Variants in RAB3C observed in about 807,000 individuals in gnomAD.
RAB3C encodes RAB3C, member RAS oncogene family.
In RAB3C, 17 loss-of-function variants were observed where a neutral mutation model predicts 26.4. That is an observed-to-expected ratio of 0.64 (90% confidence interval 0.44 to 0.97). The LOEUF (loss-of-function observed/expected upper bound fraction) is 0.97. RAB3C is among the 50% of genes least tolerant of loss of function. RAB3C has a pLI of 0.00. For synonymous variants in RAB3C, 91 were observed against 95.9 expected (o/e 0.95, Z 0.30); for missense variants, 242 against 281.9 (o/e 0.86, Z 1.01).
intron 3 of RAB3C, among the ~76,000 whole-genome samples, chr5:58,810,613 G>A (rs1054213257): frequency 1.3e-5 from 2 of 152,042 alleles, no homozygotes; most frequent in Non-Finnish European, 2.9e-5. Flanking sequence ...TTAGGCATCA[G>A]TTGTAGCTTG....
rs768420857 is a variant in RAB3C at position 58,726,085 on chromosome 5, T to C, written c.336T>C (p.Ile112=). The part of the protein sequence containing the change: ...GAMGFILMYD[I]TNEESFNAVQ... Reference sequence around the variant, plus strand: ...TGGGCTTTATTTTAATGTATGACATTACAAATGAAGAATCCTTCAATGCAG... The same window carrying C: ...TGGGCTTTATTTTAATGTATGACATCACAAATGAAGAATCCTTCAATGCAG... Residue 112 remains isoleucine, a synonymous_variant, in exon 3 of 5, where the codon ATT becomes ATC. Coordinates refer to ENST00000282878, the MANE Select transcript of RAB3C (RefSeq NM_138453.4). The C allele has an allele frequency of 3.1e-6, 5 of 1,603,146 alleles. No individual in the cohort carries two copies. The South Asian group carries it at 3.3e-5, about 11-fold the overall frequency.
At chr5:58,617,519 C>T (rs762738347) in intron 1 of RAB3C, 124 bp from the exon 2 acceptor site, 35 of 822,666 alleles carry the variant, frequency 4.3e-5, no homozygotes, top group Admixed American at 2.5e-4. Flanking sequence ...ACTCACCACT[C>T]GCCTCCTGAG....
At chr5:58,708,090 A>G (rs1748983479) in intron 2 of RAB3C, among the ~76,000 whole-genome samples, 1 of 151,190 alleles carries the variant, frequency 6.6e-6, no homozygotes, top group African/African-American at 2.4e-5. Context: ...TCCTGGGTTT[A>G]AGCGATCCTC....
intron 1 of RAB3C, among the ~76,000 whole-genome samples, chr5:58,612,291 GA>G (rs1318926732): frequency 1.3e-5 from 2 of 151,572 alleles, no homozygotes; most frequent in Non-Finnish European, 2.9e-5. Context: ...AGTTAAATAG[GA>G]ATATCATTGA....
At chr5:58,800,598 G>A (rs573413841) in intron 3 of RAB3C, among the ~76,000 whole-genome samples, 170 of 152,250 alleles carry the variant, frequency 1.1e-3, no homozygotes, top group African/African-American at 4.0e-3. Context: ...TGTGGCGCGC[G>A]CATCAGGGCA....
chr5:58,645,393 A>G (rs898747931), intron 2 of RAB3C, among the ~76,000 whole-genome samples: 1 of 152,236 alleles, frequency 6.6e-6, no homozygotes, highest in Admixed American at 6.5e-5. Context: ...CAGATTTACA[A>G]AGATGCATGA....
chr5:58,685,481 A>G (rs1021807701), intron 2 of RAB3C, among the ~76,000 whole-genome samples: 7 of 152,084 alleles, frequency 4.6e-5, no homozygotes, highest in Non-Finnish European at 1.0e-4. Flanking sequence ...ATCCAGAATA[A>G]CTCTCCATCT....
chr5:58,660,033 G>GGGA (rs1561281607), intron 2 of RAB3C, among the ~76,000 whole-genome samples: 3,470 of 148,910 alleles, frequency 0.023, 288 homozygotes, highest in African/African-American at 0.085. Flanking sequence ...TTGAATTCTT[G>GGGA]AACTCAAGCA....
chr5:58,797,955 G>A (rs1427628217), intron 3 of RAB3C, among the ~76,000 whole-genome samples: 4 of 152,142 alleles, frequency 2.6e-5, no homozygotes, highest in Non-Finnish European at 5.9e-5. Flanking sequence ...CAAATGCCTG[G>A]TGTAGTCCAG....
intron 3 of RAB3C, among the ~76,000 whole-genome samples, chr5:58,754,853 C>T (rs1467584216): frequency 6.6e-6 from 1 of 151,926 alleles, no homozygotes; most frequent in African/African-American, 2.4e-5. Context: ...TCAGCATCGT[C>T]CAGAGAGCTA....
At chr5:58,752,270 T>G (rs1017900643) in intron 3 of RAB3C, among the ~76,000 whole-genome samples, 1 of 152,156 alleles carries the variant, frequency 6.6e-6, no homozygotes, top group Non-Finnish European at 1.5e-5. Context: ...TATAATTTAA[T>G]GATAGAACTG....
intron 1 of RAB3C, among the ~76,000 whole-genome samples, chr5:58,616,239 G>A (rs1009282087): frequency 2.6e-5 from 4 of 152,190 alleles, no homozygotes; most frequent in Admixed American, 1.3e-4. Flanking sequence ...GCACTGTCCA[G>A]TATAGTAGCC....
chr5:58,660,651 A>G (rs1747886256), intron 2 of RAB3C, among the ~76,000 whole-genome samples: 1 of 150,330 alleles, frequency 6.7e-6, no homozygotes, highest in Non-Finnish European at 1.5e-5. Context: ...AACAAGATAG[A>G]CCAACGCTGA....
intron 3 of RAB3C, among the ~76,000 whole-genome samples, chr5:58,759,451 C>T (rs1373148654): frequency 1.3e-5 from 2 of 152,192 alleles, no homozygotes; most frequent in East Asian, 3.8e-4. Context: ...GTGTCTGGCA[C>T]ATAATTTACA....
At chr5:58,731,961 G>A (rs568094323) in intron 3 of RAB3C, among the ~76,000 whole-genome samples, 1 of 152,290 alleles carries the variant, frequency 6.6e-6, no homozygotes, top group African/African-American at 2.4e-5. Context: ...AAGAGCCCTT[G>A]CAGAAGTGGT....
chr5:58,745,072 A>G (rs149552041), intron 3 of RAB3C, among the ~76,000 whole-genome samples: 2 of 152,052 alleles, frequency 1.3e-5, no homozygotes, highest in African/African-American at 4.8e-5. Flanking sequence ...TCTGATTTTT[A>G]AAGCCCCCAT....
intron 2 of RAB3C, among the ~76,000 whole-genome samples, chr5:58,655,250 C>A (rs1242403265): frequency 1.3e-5 from 2 of 152,158 alleles, no homozygotes; most frequent in African/African-American, 2.4e-5. Flanking sequence ...GTGGCACCAA[C>A]TAAAAATGAG....
Position 58,853,389 on chromosome 5 carries a change from C to T in RAB3C, c.*2038C>T, listed in dbSNP as rs1211202273. The T allele has an allele frequency of 6.6e-6, 1 of 152,222 alleles. No individual in the cohort carries two copies. The highest frequency in any genetic ancestry group is 2.4e-5 in the African/African-American group (1 of 41,440). The allele number at this position is 152,222 out of a possible 1,614,324, so 9.4% of individuals were successfully genotyped here. On this transcript the variant is annotated 3_prime_UTR_variant, in exon 5 of 5. Coordinates refer to ENST00000282878, the MANE Select transcript of RAB3C (RefSeq NM_138453.4). ...AAAGCCAGGAAACCCTTCTCATCCT[C>T]CTTCACAGCCCTCATCCCACACATA... is the stretch of plus-strand genomic sequence containing the variant.
chr5:58,582,442 G>A, upstream of RAB3C: 1 of 985,018 alleles, frequency 1.0e-6, no homozygotes, highest in Non-Finnish European at 1.2e-6. Context: ...GTTCCTTGGG[G>A]TGCTTAGCCA....
Sources: allele counts gnomAD v4.1 joint callset (sites outside exome capture counted in the v4.1 genomes callset), GRCh38; gene constraint gnomAD v4.1.1; transcripts MANE v1.5; gene names NCBI Gene and HGNC (gene_info 2026-07-23, HGNC 2026-07-21).